SNAPC5: variants seen among roughly 807,000 people sequenced by gnomAD.
SNAPC5 encodes snRNA-activating protein complex subunit 5.
SNAPC5 carries 12 observed loss-of-function variants against 9.1 expected under a neutral mutation model. The observed-to-expected ratio is 1.32, with a 90% CI of 0.85 to 2.15. SNAPC5 has a LOEUF of 2.15. Among genes scored for constraint, SNAPC5 ranks in the 30% most tolerant of loss-of-function variants. SNAPC5 has a pLI of 0.00. For synonymous variants in SNAPC5, 52 were observed against 47.3 expected (o/e 1.10, Z -0.41); for missense variants, 132 against 114.4 (o/e 1.15, Z -0.70).
intron 1 of SNAPC5, 83 bp downstream of exon 1, chr15:66,497,559 G>A (rs759594075): frequency 1.7e-6 from 2 of 1,200,756 alleles, no homozygotes; most frequent in Admixed American, 3.4e-5. Flanking sequence ...GCCGCAGCAG[G>A]TGGTCACCAC....
chr15:66,490,752 A>C (rs1240035768), downstream of SNAPC5: 1 of 726,132 alleles, frequency 1.4e-6, no homozygotes, highest in Non-Finnish European at 2.5e-6. Flanking sequence ...GCATGTGCCA[A>C]GATTCTACTC....
chr15:66,495,538 G>T (rs1256575278), intron 1 of SNAPC5, 119 bp from the exon 2 acceptor site: 2 of 671,808 alleles, frequency 3.0e-6, no homozygotes, highest in East Asian at 5.3e-5. Flanking sequence ...AACTATCTCT[G>T]TGTTGCTCTA....
In SNAPC5 at chr15:66,494,277, C is replaced by T. The variant is rs1198516346; in HGVS notation, c.*159G>A. 17 of 641,530 alleles carry T rather than the reference C, an allele frequency of 2.6e-5. 2 individuals are homozygous for T. The highest frequency in any genetic ancestry group is 9.6e-5 in the Admixed American group (4 of 41,468). 39.7% of individuals were successfully genotyped at this position (641,530 alleles called of 1,614,324 possible). On this transcript the variant is annotated 3_prime_UTR_variant, in exon 3 of 3. Transcript: ENST00000316634. ...CATAACATTCTGAAGCTTGAGTTAC[C>T]GATGGAGCCATTTTTGCAACTACAC...
At chr15:66,489,997 G>A (rs1206726987), downstream of SNAPC5, 6 of 600,674 alleles carry the variant, frequency 1.0e-5, no homozygotes, top group East Asian at 5.6e-5. Context: ...ATGCCTGAGG[G>A]GGCCATGGGA....
chr15:66,490,201 G>A, downstream of SNAPC5: 1 of 548,456 alleles, frequency 1.8e-6, no homozygotes, highest in South Asian at 1.9e-5. Flanking sequence ...TATGCACTAA[G>A]TCCATCATTT....
At chr15:66,489,818 C>T (rs1893183151), downstream of SNAPC5, 2 of 1,437,046 alleles carry the variant, frequency 1.4e-6, no homozygotes, top group African/African-American at 1.4e-5. Context: ...TTGTTCTTCT[C>T]TGTCAGTCAT....
At position 66,496,325 on chromosome 15, in the gene SNAPC5, C is replaced by T. The variant is rs183528737; in HGVS notation, c.91-906G>A. Among the ~76,000 whole-genome samples, 1,521 of 152,146 alleles carry T rather than the reference C, an allele frequency of 1.0e-2. 7 individuals are homozygous for T. The highest frequency in any genetic ancestry group is 0.014 in the Non-Finnish European group (975 of 67,990). ...TACTAAATACAAAAAATTAGCCCGG[C>T]GTGGTGGCACATGCCTGTAATCCCA... On this transcript the variant is annotated intron_variant, in intron 1 of 2. Transcript: ENST00000316634.
At chr15:66,490,250 CAG>C, downstream of SNAPC5, 2 of 622,934 alleles carry the variant, frequency 3.2e-6, no homozygotes, top group East Asian at 3.0e-5. Flanking sequence ...GCATTTAAGG[CAG>C]AGTTACTGTC....
chr15:66,491,503 TAATA>T (rs1308814759), downstream of SNAPC5: 5 of 200,498 alleles, frequency 2.5e-5, no homozygotes, highest in Admixed American at 1.8e-4. Flanking sequence ...TCTCTTATTC[TAATA>T]AATATACTAT....
At chr15:66,492,083 T>C (rs1893276254), downstream of SNAPC5, 1 of 456,190 alleles carries the variant, frequency 2.2e-6, no homozygotes, top group Admixed American at 2.4e-5. Flanking sequence ...CTTTCACCAC[T>C]TACACTTAAC....
chr15:66,492,202 C>A, downstream of SNAPC5: 1 of 368,926 alleles, frequency 2.7e-6, no homozygotes, highest in Non-Finnish European at 5.4e-6. Context: ...ACATTTGAGG[C>A]TGCTGGTCAA....
chr15:66,491,658 A>C (rs887228936), downstream of SNAPC5: 1 of 224,676 alleles, frequency 4.5e-6, no homozygotes, highest in Non-Finnish European at 9.0e-6. Flanking sequence ...TGGAAGGCAG[A>C]AACAGGACAC....
chr15:66,490,796 T>C (rs1689764843), downstream of SNAPC5: 5 of 685,466 alleles, frequency 7.3e-6, no homozygotes, highest in Non-Finnish European at 1.3e-5. Context: ...TTTATTCTTA[T>C]TACTATTATT....
At chr15:66,497,335 GCTGT>G (rs771218966) in intron 1 of SNAPC5, among the ~76,000 whole-genome samples, 5 of 152,198 alleles carry the variant, frequency 3.3e-5, no homozygotes, top group East Asian at 1.9e-4. Context: ...TCCTCAGCGT[GCTGT>G]CTGAGGGCGA....
In SNAPC5 at chr15:66,496,802, G is replaced by A. The variant is rs1228406350; in HGVS notation, c.90+840C>T. Among the ~76,000 whole-genome samples the A allele has an allele frequency of 2.6e-5, 4 of 151,870 alleles. No homozygotes were observed. The East Asian group carries it at 7.8e-4, about 30-fold the overall frequency. The stretch of plus-strand genomic sequence containing the variant: ...GCTCAGGAGTTCGAAACCAGCCTGG[G>A]CAACATGGTGAAACCCCGTCTCTAC... On this transcript the variant is annotated intron_variant, in intron 1 of 2. Coordinates refer to ENST00000316634, the MANE Select transcript of SNAPC5 (RefSeq NM_001329615.2).
At chr15:66,496,020 A>G (rs1186035974) in intron 1 of SNAPC5, among the ~76,000 whole-genome samples, 2 of 151,722 alleles carry the variant, frequency 1.3e-5, no homozygotes, top group African/African-American at 4.8e-5. Context: ...CAGGAGATCG[A>G]GAACATCCTG....
chr15:66,495,171 G>C (rs1893383629), intron 2 of SNAPC5, 159 bp downstream of exon 2: 2 of 661,110 alleles, frequency 3.0e-6, no homozygotes, highest in East Asian at 2.7e-5. Context: ...GTGGTTAATG[G>C]AGAGTTGCCA....
intron 1 of SNAPC5, 87 bp from the exon 2 acceptor site, chr15:66,495,506 T>G (rs945659048): frequency 1.3e-6 from 1 of 773,368 alleles, no homozygotes; most frequent in African/African-American, 1.7e-5. Flanking sequence ...TATGAAACAT[T>G]TGCATCAAGA....
At chr15:66,493,099 A>T (rs1893310404), downstream of SNAPC5, among the ~76,000 whole-genome samples, 1 of 152,370 alleles carries the variant, frequency 6.6e-6, no homozygotes, top group African/African-American at 2.4e-5. Context: ...AAGCAGCTCA[A>T]AATAACTTCA....
Sources: gnomAD v4.1 joint callset for allele counts (sites outside exome capture counted in the v4.1 genomes callset) on GRCh38, gnomAD v4.1.1 for gene constraint, MANE v1.5 for transcripts, NCBI Gene and HGNC (gene_info 2026-07-23, HGNC 2026-07-21) for gene names.